The following ANO4 variants were observed in gnomAD, a reference collection of about 807,000 sequenced individuals.
ANO4 encodes the protein anoctamin 4, also known as anoctamin-4.
ANO4 carries 69 observed loss-of-function variants against 141.9 expected under a neutral mutation model. That is an observed-to-expected ratio of 0.49 (90% CI 0.40 to 0.59). The LOEUF (loss-of-function observed/expected upper bound fraction) is 0.59. ANO4 is among the 20% of genes least tolerant of loss of function. ANO4 has a pLI of 0.00. For synonymous variants in ANO4, 350 were observed against 394.3 expected, an observed-to-expected ratio of 0.89 and a Z score of 1.33; for missense variants, 894 against 1,162.2, an observed-to-expected ratio of 0.77 and a Z score of 3.36.
At chr12:100,874,629 C>T (rs1420892614) in intron 1 of ANO4, among the ~76,000 whole-genome samples, 1 of 152,228 alleles carries the variant, frequency 6.6e-6, no homozygotes, top group East Asian at 1.9e-4. Flanking sequence ...AAGTGATGCT[C>T]CTGCCTCAAC....
chr12:100,760,672 G>A (rs1041332798), intron 3 of ANO4, among the ~76,000 whole-genome samples: 1 of 152,178 alleles, frequency 6.6e-6, no homozygotes, highest in African/African-American at 2.4e-5. Context: ...CGTTCAGGTA[G>A]ATATCACTTT....
intron 5 of ANO4, among the ~76,000 whole-genome samples, chr12:100,950,094 C>T (rs1181561646): frequency 6.6e-6 from 1 of 152,036 alleles, no homozygotes; most frequent in Non-Finnish European, 1.5e-5. Flanking sequence ...TCCAGAACTC[C>T]GAGGATACAA....
Position 101,000,258 on chromosome 12 carries a change from C to A in ANO4, c.734+12588C>A, listed in dbSNP as rs1034193956. On this transcript the variant is annotated intron_variant, in intron 8 of 27. Transcript: ENST00000392977. ...TGCAAAGGCTCATAACTGACCTGAA[C>A]TGGAATTGCTTTGCTTTTAAGCCAA... 2.0e-5 allele frequency among the ~76,000 whole-genome samples: 3 copies of A among 152,284 alleles called. No individual in the cohort carries two copies. The South Asian group carries it at 6.2e-4, about 32-fold the overall frequency.
chr12:100,792,860 A>G (rs2135621610), upstream of ANO4, among the ~76,000 whole-genome samples: 1 of 152,368 alleles, frequency 6.6e-6, no homozygotes, highest in African/African-American at 2.4e-5. Flanking sequence ...TTACAGTGTC[A>G]GAAGCCGTTA....
chr12:101,068,816 T>A, intron 14 of ANO4: 2 of 1,109,608 alleles, frequency 1.8e-6, no homozygotes, highest in Non-Finnish European at 2.8e-6. Flanking sequence ...AAAAAGTATC[T>A]ATTGAAGGTT....
intron 1 of ANO4, among the ~76,000 whole-genome samples, chr12:100,818,968 C>A (rs2035878512): frequency 6.6e-6 from 1 of 151,260 alleles, no homozygotes; most frequent in Admixed American, 6.6e-5. Flanking sequence ...CTTCCTCTTC[C>A]CTATGTATCT....
At chr12:101,090,419 T>C (rs969226217) in intron 17 of ANO4, among the ~76,000 whole-genome samples, 1 of 152,028 alleles carries the variant, frequency 6.6e-6, no homozygotes, top group African/African-American at 2.4e-5. Flanking sequence ...TATGCAGCCA[T>C]AAAAAAGGAT....
Position 100,971,390 on chromosome 12 carries a change from G to A in ANO4, c.541G>A (p.Val181Ile), listed in dbSNP as rs1437771574. ...TGGAAGATATGCAGAACAAATGAATGTAAGAATGCCTTTCAGGTAGGTGGA... is the reference window on the plus strand; with the variant it reads ...TGGAAGATATGCAGAACAAATGAATATAAGAATGCCTTTCAGGTAGGTGGA... ...VLGRYAEQMN[V>I]RMPFRRKIYY... The change falls in exon 6 of 28, where the codon GTA becomes ATA. Residue 181 changes from valine to isoleucine, a missense_variant. By Grantham distance (29) the Val-to-Ile change is conservative (BLOSUM62 3). Transcript: ENST00000392977. 3 of 1,603,828 alleles carry A rather than the reference G, an allele frequency of 1.9e-6. No individual in the cohort carries two copies. The highest frequency in any genetic ancestry group is 2.6e-6 in the Non-Finnish European group (3 of 1,172,286).
chr12:100,869,096 C>T (rs995538304), intron 1 of ANO4, among the ~76,000 whole-genome samples: 2 of 152,114 alleles, frequency 1.3e-5, no homozygotes, highest in Admixed American at 6.6e-5. Flanking sequence ...TGATGCCACT[C>T]CCTGGTACTC....
At chr12:100,820,924 A>G (rs1161137038) in intron 1 of ANO4, among the ~76,000 whole-genome samples, 1 of 152,040 alleles carries the variant, frequency 6.6e-6, no homozygotes, top group African/African-American at 2.4e-5. Context: ...CACTGTGCTC[A>G]GCTGGGCATC....
chr12:100,785,646 A>G (rs563085763), intron 3 of ANO4, among the ~76,000 whole-genome samples: 1 of 152,218 alleles, frequency 6.6e-6, no homozygotes, highest in South Asian at 2.1e-4. Context: ...TCATTCCTCT[A>G]CAGAAGGACA....
rs148319391 is a variant in ANO4 at position 100,955,309 on chromosome 12, C to T, written c.456+12774C>T. On this transcript the variant is annotated intron_variant, in intron 5 of 27. Transcript: ENST00000392977. ...GCAGCACTACTAGTGTCTGGAGGAC[C>T]CCCCTTTTAAGGTGGCTGACTCACA... 5.9e-5 allele frequency among the ~76,000 whole-genome samples: 9 copies of T among 152,242 alleles called. 1 individual carries two copies. Among genetic ancestry groups the T allele is most frequent in the Admixed American group, 2.0e-4 (3 of 15,288 alleles).
chr12:101,000,823 G>A (rs1460677176), intron 8 of ANO4, among the ~76,000 whole-genome samples: 1 of 152,194 alleles, frequency 6.6e-6, no homozygotes, highest in Non-Finnish European at 1.5e-5. Flanking sequence ...GTATCTGGAG[G>A]CCCAGTAGTT....
chr12:100,813,566 T>C (rs1428393372), intron 1 of ANO4, among the ~76,000 whole-genome samples: 1 of 152,196 alleles, frequency 6.6e-6, no homozygotes, highest in Admixed American at 6.5e-5. Flanking sequence ...ATTGGAAATA[T>C]TTCTTTGCAG....
At chr12:100,862,253 G>A (rs1003297482) in intron 1 of ANO4, among the ~76,000 whole-genome samples, 2 of 152,010 alleles carry the variant, frequency 1.3e-5, no homozygotes, top group African/African-American at 4.8e-5. Context: ...AATAGAAGGA[G>A]TATACTCTAA....
chr12:100,739,574 A>AT (rs555185437), intron 2 of ANO4, among the ~76,000 whole-genome samples: 105 of 152,014 alleles, frequency 6.9e-4, no homozygotes, highest in Middle Eastern at 3.4e-3. Flanking sequence ...GCCTTAAGTA[A>AT]TTTTTTTTAT....
At chr12:101,048,514 C>A (rs763207505) in intron 14 of ANO4, 113 bp downstream of exon 14, 9 of 914,890 alleles carry the variant, frequency 9.8e-6, no homozygotes, top group Non-Finnish European at 1.3e-5. Flanking sequence ...ATGGAATTAG[C>A]TTTCCTATTA....
At chr12:100,924,111 T>G (rs1370053922) in intron 3 of ANO4, among the ~76,000 whole-genome samples, 1 of 152,210 alleles carries the variant, frequency 6.6e-6, no homozygotes, top group Non-Finnish European at 1.5e-5. Flanking sequence ...TGATGGTAGT[T>G]TCTTTTGCTG....
At chr12:101,048,311 T>A in intron 13 of ANO4, 30 bp from the exon 14 acceptor site, 1 of 1,606,156 alleles carries the variant, frequency 6.2e-7, no homozygotes, top group Non-Finnish European at 8.5e-7. Context: ...TATGAGAAAT[T>A]AACTCAGCAC....
Sources: gnomAD v4.1 joint callset for allele counts (sites outside exome capture counted in the v4.1 genomes callset) on GRCh38, gnomAD v4.1.1 for gene constraint, MANE v1.5 for transcripts, NCBI Gene and HGNC (gene_info 2026-07-23, HGNC 2026-07-21) for gene names.